RELL1: variants seen among roughly 807,000 people sequenced by gnomAD.
The protein encoded by RELL1 is RELT-like protein 1.
A neutral mutation model predicts 23.0 loss-of-function variants in RELL1; 10 were observed. The ratio of observed to expected loss-of-function variants is 0.43; its 90% CI spans 0.27 to 0.74. RELL1 has a LOEUF of 0.74. Among genes scored for constraint, RELL1 ranks in the 30% least tolerant of loss-of-function variants. The pLI is 0.19. For missense variants in RELL1, 315 were observed against 364.4 expected (o/e 0.86, Z 1.10); for synonymous variants, 146 against 146.8 (o/e 0.99, Z 0.04).
chr4:37,629,738 G>C (rs1363795985), intron 6 of RELL1, among the ~76,000 whole-genome samples: 1 of 152,188 alleles, frequency 6.6e-6, no homozygotes, highest in Non-Finnish European at 1.5e-5. Flanking sequence ...TAGGTGCACA[G>C]AGTTGTTCCA....
At chr4:37,685,884 C>T (rs1422922649) in intron 1 of RELL1, among the ~76,000 whole-genome samples, 1 of 152,244 alleles carries the variant, frequency 6.6e-6, no homozygotes, top group East Asian at 1.9e-4. Context: ...GGCGAGCGGC[C>T]GTGGAGGAAG....
intron 5 of RELL1, among the ~76,000 whole-genome samples, chr4:37,632,736 G>A (rs1305688828): frequency 6.6e-6 from 1 of 152,120 alleles, no homozygotes; most frequent in Non-Finnish European, 1.5e-5. Context: ...ATAGATTAAG[G>A]AAAAACTAAA....
chr4:37,617,502 G>C (rs1359309910), intron 6 of RELL1, among the ~76,000 whole-genome samples: 1 of 152,194 alleles, frequency 6.6e-6, no homozygotes, highest in African/African-American at 2.4e-5. Flanking sequence ...CAGTAACTTG[G>C]CCAGGCATGG....
intron 6 of RELL1, among the ~76,000 whole-genome samples, chr4:37,625,725 G>A (rs1163752557): frequency 6.6e-6 from 1 of 152,048 alleles, no homozygotes; most frequent in East Asian, 1.9e-4. Context: ...ACAATGTATT[G>A]TATTCTTGAA....
intron 1 of RELL1, among the ~76,000 whole-genome samples, chr4:37,657,656 G>T (rs963332271): frequency 3.3e-5 from 5 of 152,160 alleles, no homozygotes; most frequent in African/African-American, 1.2e-4. Flanking sequence ...AAAAAGCAAG[G>T]CCTGGTGTGG....
chr4:37,674,543 C>T (rs1188254700), intron 1 of RELL1, among the ~76,000 whole-genome samples: 3 of 152,160 alleles, frequency 2.0e-5, no homozygotes, highest in Non-Finnish European at 2.9e-5. Flanking sequence ...TCAGGCCGTA[C>T]GAGCATATAG....
In RELL1 at chr4:37,616,693, C is replaced by T. The variant is rs28731000; in HGVS notation, c.*4-3351G>A. 5.8e-3 allele frequency among the ~76,000 whole-genome samples: 885 copies of T among 152,272 alleles called. 10 individuals are homozygous for T. The highest frequency in any genetic ancestry group is 0.02 in the African/African-American group (824 of 41,542). ...ACTTTTAAATAAAATAAATAGAGAA[C>T]GTTGTTTATAGAGCTACATGACAGC... On this transcript the variant is annotated intron_variant, in intron 6 of 6. Transcript: ENST00000454158.
intron 1 of RELL1, among the ~76,000 whole-genome samples, chr4:37,654,396 C>T (rs1721052096): frequency 6.6e-6 from 1 of 152,146 alleles, no homozygotes. Flanking sequence ...TAAAGAATAG[C>T]TAACAAGAAA....
At chr4:37,621,659 G>GA (rs1050795306) in intron 6 of RELL1, among the ~76,000 whole-genome samples, 2 of 152,092 alleles carry the variant, frequency 1.3e-5, no homozygotes, top group Non-Finnish European at 2.9e-5. Flanking sequence ...TTTCTGCAGT[G>GA]AAAAGAGCAG....
At chr4:37,593,489 G>T (rs1448289361) in intron 6 of RELL1, among the ~76,000 whole-genome samples, 1 of 151,940 alleles carries the variant, frequency 6.6e-6, no homozygotes, top group Non-Finnish European at 1.5e-5. Flanking sequence ...GTTGGAAAAA[G>T]AATAAAGGAA....
intron 1 of RELL1, among the ~76,000 whole-genome samples, chr4:37,671,421 T>A (rs1577607061): frequency 6.6e-6 from 1 of 152,180 alleles, no homozygotes; most frequent in South Asian, 2.1e-4. Flanking sequence ...AAGGGTGTGG[T>A]AAAGAAGCCA....
chr4:37,664,902 G>A (rs1295986070), intron 1 of RELL1, among the ~76,000 whole-genome samples: 1 of 152,052 alleles, frequency 6.6e-6, no homozygotes, highest in African/African-American at 2.4e-5. Context: ...ACATACCACG[G>A]TCAAAGGCAG....
intron 1 of RELL1, among the ~76,000 whole-genome samples, chr4:37,658,656 C>A (rs1721211118): frequency 6.6e-6 from 1 of 152,212 alleles, no homozygotes; most frequent in Non-Finnish European, 1.5e-5. Flanking sequence ...TCAGTGTCTG[C>A]ATACGTAAAA....
At chr4:37,645,146 A>C (rs1280550684) in intron 3 of RELL1, among the ~76,000 whole-genome samples, 1 of 152,198 alleles carries the variant, frequency 6.6e-6, no homozygotes, top group Non-Finnish European at 1.5e-5. Context: ...CAGTTTACTT[A>C]TTTCGACTGA....
downstream of RELL1, among the ~76,000 whole-genome samples, chr4:37,605,791 A>AGAG (rs1719178798): frequency 2.3e-4 from 16 of 71,084 alleles, no homozygotes; most frequent in East Asian, 5.3e-3. Flanking sequence ...GAGAGAAAGA[A>AGAG]AGAGAAAGAA....
intron 6 of RELL1, among the ~76,000 whole-genome samples, chr4:37,598,252 CAAAAAAA>C (rs56142508): frequency 0.037 from 418 of 11,250 alleles, 1 homozygote; most frequent in Non-Finnish European, 0.064. Context: ...AACTCTGTCT[CAAAAAAA>C]AAAAAAAAAA....
chr4:37,659,677 G>A (rs983540316), intron 1 of RELL1, among the ~76,000 whole-genome samples: 14 of 152,072 alleles, frequency 9.2e-5, no homozygotes, highest in African/African-American at 1.9e-4. Context: ...TTAGAAGCAG[G>A]AGCTGATGTC....
chr4:37,623,092 C>T (rs992309005), intron 6 of RELL1: 18 of 319,508 alleles, frequency 5.6e-5, no homozygotes, highest in Middle Eastern at 1.1e-3. Context: ...TGTGAGCCAC[C>T]GCACCCGGCC....
intron 3 of RELL1, among the ~76,000 whole-genome samples, chr4:37,639,436 T>C (rs1720448109): frequency 6.8e-6 from 1 of 147,082 alleles, no homozygotes; most frequent in African/African-American, 2.5e-5. Flanking sequence ...AACATATAAG[T>C]TATGTAATAT....
Sources: allele counts gnomAD v4.1 joint callset (sites outside exome capture counted in the v4.1 genomes callset), GRCh38; gene constraint gnomAD v4.1.1; transcripts MANE v1.5; gene names NCBI Gene and HGNC (gene_info 2026-07-23, HGNC 2026-07-21).